The following FAM227A variants were observed in gnomAD, a reference collection of about 807,000 sequenced individuals.
FAM227A encodes the protein family with sequence similarity 227 member A, also known as protein FAM227A.
Under a neutral mutation model 74.7 loss-of-function variants are expected in FAM227A, and 80 were observed. That is an observed-to-expected ratio of 1.07 (90% CI 0.89 to 1.29). FAM227A has a LOEUF of 1.29. FAM227A is among the 50% of genes most tolerant of loss of function. The probability of loss-of-function intolerance (pLI) is 0.00; values close to 1 mark genes in which losing one functional copy is unlikely to be tolerated. For synonymous variants in FAM227A, 237 were observed against 241.8 expected (o/e 0.98, Z 0.19); for missense variants, 654 against 683.4 (o/e 0.96, Z 0.48).
chr22:38,614,477 T>C (rs1230189190), intron 11 of FAM227A, among the ~76,000 whole-genome samples: 1 of 152,136 alleles, frequency 6.6e-6, no homozygotes, highest in African/African-American at 2.4e-5. Context: ...AGACCAGAGA[T>C]GGAAAGTAAT....
At chr22:38,595,982 C>G (rs2091037291) in intron 15 of FAM227A, among the ~76,000 whole-genome samples, 2 of 141,544 alleles carry the variant, frequency 1.4e-5, no homozygotes, top group African/African-American at 5.5e-5. Context: ...GGGGGGGGGG[C>G]AGGATACTGT....
At chr22:38,612,114 A>G (rs1464968688) in intron 11 of FAM227A, among the ~76,000 whole-genome samples, 2 of 152,058 alleles carry the variant, frequency 1.3e-5, no homozygotes, top group Non-Finnish European at 2.9e-5. Context: ...CATATTTGTC[A>G]TTTAGACAAA....
Position 38,582,860 on chromosome 22 carries a change from A to T in FAM227A, c.*3265T>A. The T allele has an allele frequency of 1.3e-6, 2 of 1,550,436 alleles. No individual in the cohort carries two copies. Among genetic ancestry groups the T allele is most frequent in the Non-Finnish European group, 1.7e-6 (2 of 1,146,984 alleles). ...ATAATGCAGTGGAGCACTTGTGCCT[A>T]CCTTGCTCCTGGTATATTAGGGAAG... On this transcript the variant is annotated 3_prime_UTR_variant, in exon 17 of 17. Coordinates refer to ENST00000535113, the MANE Select transcript of FAM227A (RefSeq NM_001013647.2).
chr22:38,641,963 G>A (rs1446081309), intron 3 of FAM227A, among the ~76,000 whole-genome samples: 90 of 143,988 alleles, frequency 6.3e-4, no homozygotes, highest in African/African-American at 2.4e-3. Flanking sequence ...GTGTGTGTGT[G>A]TGTGTGTGTG....
At chr22:38,640,014 A>G (rs1361264230) in intron 3 of FAM227A, among the ~76,000 whole-genome samples, 1 of 151,774 alleles carries the variant, frequency 6.6e-6, no homozygotes, top group African/African-American at 2.4e-5. Flanking sequence ...TAAAAGGGGG[A>G]TAATAATATC....
chr22:38,644,213 G>A (rs1264793559), intron 3 of FAM227A, among the ~76,000 whole-genome samples: 1 of 150,388 alleles, frequency 6.6e-6, no homozygotes, highest in African/African-American at 2.4e-5. Flanking sequence ...AGAAGCCAAC[G>A]TAAAAAGGCT....
intron 6 of FAM227A, 87 bp downstream of exon 6, chr22:38,636,364 C>T (rs1410273260): frequency 2.1e-6 from 3 of 1,424,314 alleles, no homozygotes; most frequent in East Asian, 5.0e-5. Flanking sequence ...AGGTGAGTTC[C>T]TCAGTTTCTC....
chr22:38,582,446 T>C lies in FAM227A; in HGVS notation c.*3679A>G, dbSNP rs1296740709. ...AATATCATACAATTACTCATTTGCT[T>C]TATCCCACATTACAGCAAATGCTTT... On this transcript the variant is annotated 3_prime_UTR_variant, in exon 17 of 17. Transcript: ENST00000535113. 1 of 1,542,716 alleles carries C rather than the reference T, an allele frequency of 6.5e-7. No homozygotes were observed. The highest frequency in any genetic ancestry group is 8.8e-7 in the Non-Finnish European group (1 of 1,140,750).
chr22:38,597,424 G>A, intron 14 of FAM227A, 68 bp from the exon 15 acceptor site: 1 of 1,458,848 alleles, frequency 6.9e-7, no homozygotes, highest in Non-Finnish European at 9.4e-7. Context: ...TTAGTGGCAT[G>A]AGCGCAGTGC....
In FAM227A at chr22:38,582,541, T is replaced by C; in HGVS notation, c.*3584A>G. The C allele has an allele frequency of 9.8e-7, 1 of 1,024,680 alleles. No individual in the cohort carries two copies. The allele number at this position is 1,024,680 out of a possible 1,614,324, so 63.5% of individuals were successfully genotyped here. ...AAGGGCAAATAATTCTTCCCCATAA[T>C]TTTCCCTTCTAATGTTTACAAAGGG... On this transcript the variant is annotated 3_prime_UTR_variant, in exon 17 of 17. Transcript: ENST00000535113.
At chr22:38,641,409 G>A (rs562665845) in intron 3 of FAM227A, among the ~76,000 whole-genome samples, 5 of 152,102 alleles carry the variant, frequency 3.3e-5, no homozygotes, top group South Asian at 2.1e-4. Context: ...AAAATTAGCC[G>A]GGCGTGGTGG....
intron 15 of FAM227A, 41 bp downstream of exon 15, chr22:38,597,163 T>G: frequency 6.5e-7 from 1 of 1,542,746 alleles, no homozygotes; most frequent in Admixed American, 2.0e-5. Flanking sequence ...CTGCAAAAGA[T>G]AAGTGCGGAA....
chr22:38,596,287 C>T (rs2091043326), intron 15 of FAM227A, among the ~76,000 whole-genome samples: 1 of 152,160 alleles, frequency 6.6e-6, no homozygotes, highest in Admixed American at 6.5e-5. Context: ...CACCACTGCA[C>T]TCCAGCCTAG....
intron 3 of FAM227A, among the ~76,000 whole-genome samples, chr22:38,643,796 T>C (rs374091181): frequency 5.9e-4 from 90 of 152,038 alleles, no homozygotes; most frequent in African/African-American, 2.1e-3. Context: ...GTTCAGACAA[T>C]GGAATATTTG....
In FAM227A at chr22:38,599,644, G is replaced by C. The variant is rs1018570363; in HGVS notation, c.1379+120C>G. On this transcript the variant is annotated intron_variant, in intron 14 of 16. Transcript: ENST00000535113. Reference sequence around the variant, plus strand: ...TCGCACCACTGGCCACCTCTGGCGAGTACACATGGTGTGCCAGGCGCTGTG... The same window carrying C: ...TCGCACCACTGGCCACCTCTGGCGACTACACATGGTGTGCCAGGCGCTGTG... 9 of 901,052 alleles carry C rather than the reference G, an allele frequency of 1.0e-5. No individual in the cohort carries two copies. In the African/African-American group the frequency reaches 1.5e-4, roughly 16 times the overall value. The allele number at this position is 901,052 out of a possible 1,614,324, so 55.8% of individuals were successfully genotyped here.
In FAM227A at chr22:38,626,188, C is replaced by A; in HGVS notation, c.842G>T (p.Trp281Leu). Residue 281 changes from tryptophan to leucine, a missense_variant, in exon 9 of 17, where the codon TGG becomes TTG. Transcript: ENST00000535113. The stretch of plus-strand genomic sequence containing the variant: ...AAAAAGTCACCTCTCACCTGAAATC[C>A]ACAGGCTCATTGTGTTACAGATGTC... ...KSDICNTMSL[W>L]ISGTYPSPQS... 1 of 1,551,238 alleles carries A rather than the reference C, an allele frequency of 6.4e-7. No individual in the cohort carries two copies. The highest frequency in any genetic ancestry group is 8.7e-7 in the Non-Finnish European group (1 of 1,146,820).
chr22:38,593,019 T>C (rs2090970795), intron 15 of FAM227A, among the ~76,000 whole-genome samples: 1 of 152,058 alleles, frequency 6.6e-6, no homozygotes, highest in African/African-American at 2.4e-5. Flanking sequence ...AAGGCAAAAA[T>C]AGTTTAATAG....
chr22:38,626,119 G>C, intron 9 of FAM227A, 61 bp downstream of exon 9: 1 of 1,528,896 alleles, frequency 6.5e-7, no homozygotes, highest in Non-Finnish European at 8.9e-7. Flanking sequence ...ACATACCTAG[G>C]TGCCAGCGGA....
intron 6 of FAM227A, among the ~76,000 whole-genome samples, chr22:38,630,395 T>A (rs1382267774): frequency 6.6e-6 from 1 of 152,248 alleles, no homozygotes; most frequent in Non-Finnish European, 1.5e-5. Context: ...GAGCACAGAC[T>A]TGGGTGCCAG....
Sources: gnomAD v4.1 joint callset for allele counts (sites outside exome capture counted in the v4.1 genomes callset) on GRCh38, gnomAD v4.1.1 for gene constraint, MANE v1.5 for transcripts, NCBI Gene and HGNC (gene_info 2026-07-23, HGNC 2026-07-21) for gene names.